TDRD12: variants seen among roughly 807,000 people sequenced by gnomAD.
TDRD12 encodes the protein tudor domain containing 12, also known as putative ATP-dependent RNA helicase TDRD12.
A neutral mutation model predicts 133.5 loss-of-function variants in TDRD12; 158 were observed. That is an observed-to-expected ratio of 1.18 (90% CI 1.04 to 1.35). The LOEUF (loss-of-function observed/expected upper bound fraction) is 1.35, where lower values mean the gene tolerates loss of function less well. Ranked by LOEUF, TDRD12 falls within the 40% of genes most tolerant of loss-of-function variation. The pLI, the probability that TDRD12 is intolerant of heterozygous loss-of-function variation, is 0.00. For synonymous variants in TDRD12, 460 were observed against 477.9 expected (o/e 0.96, Z 0.49); for missense variants, 1,443 against 1,321.3 (o/e 1.09, Z -1.43).
At chr19:32,758,697 G>A (rs956636325) in intron 8 of TDRD12, among the ~76,000 whole-genome samples, 1 of 152,158 alleles carries the variant, frequency 6.6e-6, no homozygotes, top group Non-Finnish European at 1.5e-5. Context: ...CACCTTGGGA[G>A]GTCAAGGCTG....
rs189797946 is a variant in TDRD12, at chr19:32,741,560, G to A, written c.321-1221G>A. 5.6e-4 allele frequency among the ~76,000 whole-genome samples: 86 copies of A among 152,296 alleles called. 1 individual carries two copies. In the East Asian group the frequency reaches 0.015, roughly 27 times the overall value. On this transcript the variant is annotated intron_variant, in intron 3 of 27. Transcript: ENST00000444215. Reference sequence around the variant, plus strand: ...CTGTTTGGGGAGCTTTTGTTTTTGCGTTTGATGTTTTACATTTAGTTTGTT... The same window carrying A: ...CTGTTTGGGGAGCTTTTGTTTTTGCATTTGATGTTTTACATTTAGTTTGTT...
intron 2 of TDRD12, among the ~76,000 whole-genome samples, chr19:32,733,602 G>C (rs1329626709): frequency 1.3e-5 from 2 of 152,118 alleles, no homozygotes; most frequent in Non-Finnish European, 2.9e-5. Flanking sequence ...ATGTTGAATT[G>C]AGAGATGATG....
intron 6 of TDRD12, 130 bp downstream of exon 6, chr19:32,749,999 T>A: frequency 1.7e-6 from 1 of 604,950 alleles, no homozygotes. Flanking sequence ...TTAAGGTCTA[T>A]CTTAGACCCG....
exon 21 of TDRD12, chr19:32,803,084 G>C (rs1233439316): frequency 3.3e-6 from 5 of 1,535,618 alleles, no homozygotes; most frequent in African/African-American, 1.4e-5. Flanking sequence ...GGAAGCCAAA[G>C]AAGATAAGAA....
intron 8 of TDRD12, among the ~76,000 whole-genome samples, chr19:32,765,002 T>A (rs1970254869): frequency 6.6e-6 from 1 of 152,174 alleles, no homozygotes; most frequent in Admixed American, 6.5e-5. Flanking sequence ...GACAAAGGGC[T>A]AATATCCAGA....
intron 1 of TDRD12, among the ~76,000 whole-genome samples, chr19:32,721,697 T>G (rs1249011479): frequency 2.1e-5 from 3 of 143,686 alleles, no homozygotes; most frequent in African/African-American, 7.9e-5. Flanking sequence ...TTTTATTTTA[T>G]TTTATTTTAT....
intron 1 of TDRD12, among the ~76,000 whole-genome samples, chr19:32,730,743 C>T (rs1485144827): frequency 1.3e-5 from 2 of 152,040 alleles, no homozygotes; most frequent in South Asian, 2.1e-4. Context: ...TGGCTGGGCG[C>T]GGTGGCTCAC....
chr19:32,742,622 T>C (rs1417883560), intron 3 of TDRD12, among the ~76,000 whole-genome samples, 159 bp from the exon 4 acceptor site: 1 of 152,206 alleles, frequency 6.6e-6, no homozygotes, highest in African/African-American at 2.4e-5. Context: ...CTTGGCCAAA[T>C]GTCTCCAAGC....
intron 1 of TDRD12, 82 bp downstream of exon 1, chr19:32,720,178 AC>A: frequency 9.6e-7 from 1 of 1,041,854 alleles, no homozygotes; most frequent in Non-Finnish European, 1.2e-6. Flanking sequence ...TCCCACCCCC[AC>A]CCCAGCTCCG....
chr19:32,727,697 C>G (rs1226034559), intron 1 of TDRD12, among the ~76,000 whole-genome samples: 1 of 152,094 alleles, frequency 6.6e-6, no homozygotes, highest in African/African-American at 2.4e-5. Flanking sequence ...GAGACAGAGT[C>G]TCACTCTGTT....
At chr19:32,742,810 A>C in exon 4 of TDRD12, 2 of 1,551,912 alleles carry the variant, frequency 1.3e-6, no homozygotes, top group Non-Finnish European at 1.7e-6. Flanking sequence ...TCGTTTATGC[A>C]GCTTCCCTAT....
chr19:32,793,295 C>T (rs897482572), intron 13 of TDRD12, among the ~76,000 whole-genome samples: 2 of 152,140 alleles, frequency 1.3e-5, no homozygotes, highest in African/African-American at 2.4e-5. Flanking sequence ...CATTTGCAGA[C>T]ATACAGAGTC....
At chr19:32,756,126 A>G (rs961322928) in exon 7 of TDRD12, 19 of 1,471,208 alleles carry the variant, frequency 1.3e-5, no homozygotes, top group Non-Finnish European at 1.6e-5. Flanking sequence ...AACTCAATCC[A>G]GCACTTACAC....
chr19:32,806,728 G>A (rs1041982140), intron 21 of TDRD12, among the ~76,000 whole-genome samples: 2 of 152,044 alleles, frequency 1.3e-5, no homozygotes, highest in Non-Finnish European at 2.9e-5. Flanking sequence ...CACCATCTTG[G>A]CTCACTGCAA....
intron 3 of TDRD12, among the ~76,000 whole-genome samples, chr19:32,740,159 A>G (rs1274056244): frequency 3.3e-3 from 163 of 49,218 alleles, no homozygotes; most frequent in Admixed American, 5.4e-3. Flanking sequence ...TCTCCTGGGT[A>G]CTCTCTGCAT....
intron 21 of TDRD12, among the ~76,000 whole-genome samples, chr19:32,803,980 G>A (rs149666628): frequency 9.8e-4 from 149 of 152,136 alleles, no homozygotes; most frequent in African/African-American, 3.3e-3. Flanking sequence ...TTTGTGTGAT[G>A]TGTGCACTGA....
At chr19:32,734,758 A>G (rs933639539) in intron 2 of TDRD12, among the ~76,000 whole-genome samples, 1 of 152,020 alleles carries the variant, frequency 6.6e-6, no homozygotes, top group Non-Finnish European at 1.5e-5. Context: ...GTTTATGGCA[A>G]CCCTTCATGG....
intron 6 of TDRD12, among the ~76,000 whole-genome samples, chr19:32,754,569 CT>C (rs1183806162): frequency 6.9e-6 from 1 of 144,176 alleles, no homozygotes; most frequent in East Asian, 2.3e-4. Flanking sequence ...TGTAAAATAT[CT>C]TTTTTTCAAA....
intron 1 of TDRD12, among the ~76,000 whole-genome samples, chr19:32,725,055 A>G (rs1458691387): frequency 6.6e-6 from 1 of 151,692 alleles, no homozygotes; most frequent in Admixed American, 6.6e-5. Context: ...CTACTTTTTG[A>G]TGGGGTTTTT....
Sources: allele counts gnomAD v4.1 joint callset (sites outside exome capture counted in the v4.1 genomes callset), GRCh38; gene constraint gnomAD v4.1.1; transcripts MANE v1.5; gene names NCBI Gene and HGNC (gene_info 2026-07-23, HGNC 2026-07-21).